The following CDS1 variants were observed in gnomAD, a reference collection of about 807,000 sequenced individuals.
CDS1 encodes CDP-diacylglycerol synthase 1.
A neutral mutation model predicts 62.1 loss-of-function variants in CDS1; 41 were observed. That is an observed-to-expected ratio of 0.66 (90% CI 0.51 to 0.86). The LOEUF is 0.86. Among genes scored for constraint, CDS1 ranks in the 40% least tolerant of loss-of-function variants. The pLI, the probability that CDS1 is intolerant of heterozygous loss-of-function variation, is 0.00. For missense variants in CDS1, 470 were observed against 550.1 expected, an observed-to-expected ratio of 0.85 and a Z score of 1.46; for synonymous variants, 185 against 192.6, an observed-to-expected ratio of 0.96 and a Z score of 0.32.
chr4:84,612,137 A>T (rs1470499040), intron 3 of CDS1, among the ~76,000 whole-genome samples: 1 of 151,366 alleles, frequency 6.6e-6, no homozygotes, highest in East Asian at 2.0e-4. Context: ...ACCTTTGCTC[A>T]CGGTGCTTCC....
chr4:84,635,992 A>G (rs887355641), intron 8 of CDS1, among the ~76,000 whole-genome samples: 1 of 151,882 alleles, frequency 6.6e-6, no homozygotes, highest in African/African-American at 2.4e-5. Context: ...CCTAGGCTCA[A>G]GCAGTCTGCC....
At chr4:84,635,669 T>C (rs1408296501) in intron 8 of CDS1, among the ~76,000 whole-genome samples, 16 of 127,516 alleles carry the variant, frequency 1.3e-4, no homozygotes, top group African/African-American at 5.0e-4. Flanking sequence ...CTTCCTTCCT[T>C]CCTTCCTTCC....
chr4:84,602,158 G>C (rs1031025577), intron 1 of CDS1, among the ~76,000 whole-genome samples: 1 of 152,146 alleles, frequency 6.6e-6, no homozygotes, highest in African/African-American at 2.4e-5. Flanking sequence ...TCTCATAGTT[G>C]AGTAACGTTG....
At position 84,583,440 on chromosome 4, in the gene CDS1, C is replaced by T. The variant is rs1182459732; in HGVS notation, c.39C>T (p.Pro13=). 1.2e-5 allele frequency: 19 copies of T among 1,594,052 alleles called. No individual in the cohort carries two copies. The highest frequency in any genetic ancestry group is 1.7e-5 in the Admixed American group (1 of 58,358). Residue 13 remains proline (P), a synonymous_variant, in exon 1 of 13, where the codon CCC becomes CCT. Coordinates refer to ENST00000295887, the MANE Select transcript of CDS1 (RefSeq NM_001263.4). ...GGCACCGGGGAAGCTGCCCCGGCCC[C>T]AGGGAAGCGGTGTCGCCGCCACACC... ...ELRHRGSCPG[P]REAVSPPHRE... is the part of the protein sequence containing the mutation.
chr4:84,603,976 A>G (rs1723015293), intron 1 of CDS1, among the ~76,000 whole-genome samples: 1 of 152,198 alleles, frequency 6.6e-6, no homozygotes, highest in Non-Finnish European at 1.5e-5. Context: ...TTAGGGGTAT[A>G]TTTCTGATTT....
At chr4:84,645,109 A>G (rs940495445) in intron 11 of CDS1, 113 bp from the exon 12 acceptor site, 3 of 690,086 alleles carry the variant, frequency 4.3e-6, no homozygotes, top group Admixed American at 5.4e-5. Context: ...AAAAAAATCC[A>G]ATAGTAATGT....
At chr4:84,610,590 G>GCCCT (rs1723287735) in intron 3 of CDS1, among the ~76,000 whole-genome samples, 1 of 152,120 alleles carries the variant, frequency 6.6e-6, no homozygotes, top group Non-Finnish European at 1.5e-5. Context: ...ACCTGTCTCT[G>GCCCT]CCCTCATGGA....
chr4:84,604,044 G>T (rs554277821), intron 1 of CDS1, among the ~76,000 whole-genome samples, 199 bp from the exon 2 acceptor site: 7 of 152,150 alleles, frequency 4.6e-5, no homozygotes, highest in Non-Finnish European at 8.8e-5. Context: ...TGTATTATTA[G>T]TAGTAGATTT....
At position 84,631,861 on chromosome 4, in the gene CDS1, G is replaced by C. The variant is rs771001468; in HGVS notation, c.623G>C (p.Arg208Pro). ...FVLSLVKKHY[R>P]LQFYMFAWTH... ...CTGAGTTTGGTGAAGAAACATTATC[G>C]TCTGCAGTTTTATATGGTGTGTATT... Residue 208 changes from arginine to proline, a missense_variant, in exon 6 of 13, where the codon CGT becomes CCT. Transcript: ENST00000295887. The C allele has an allele frequency of 6.2e-7, 1 of 1,610,288 alleles. No individual in the cohort carries two copies. Among genetic ancestry groups the C allele is most frequent in the South Asian group, 1.1e-5 (1 of 90,964 alleles).
chr4:84,640,624 AAAAC>A (rs1169479523), intron 9 of CDS1, among the ~76,000 whole-genome samples: 7 of 152,310 alleles, frequency 4.6e-5, no homozygotes, highest in South Asian at 2.1e-4. Flanking sequence ...TGATTTCAAA[AAAAC>A]TTTTTTTTTC....
At chr4:84,611,376 C>T (rs1723318036) in intron 3 of CDS1, among the ~76,000 whole-genome samples, 1 of 152,042 alleles carries the variant, frequency 6.6e-6, no homozygotes, top group Non-Finnish European at 1.5e-5. Context: ...CTTATGTACT[C>T]ATCTCCTTCA....
intron 11 of CDS1, 70 bp downstream of exon 11, chr4:84,643,213 G>C (rs1022651074): frequency 4.7e-6 from 7 of 1,504,818 alleles, no homozygotes; most frequent in Admixed American, 1.7e-5. Context: ...TTGGAATTTG[G>C]TCCGCTCATG....
At position 84,609,429 on chromosome 4, in the gene CDS1, G is replaced by T. The variant is rs1723245113; in HGVS notation, c.246G>T (p.Arg82Ser). The change falls in exon 3 of 13, where the codon AGG becomes AGT. Residue 82 changes from arginine to serine, a missense_variant and splice_region_variant. Coordinates refer to ENST00000295887, the MANE Select transcript of CDS1 (RefSeq NM_001263.4). ...LKKALSGLSS[R>S]WKNWWIRGIL... ...TACTAACTTTACATTTTCTTTGTAG[G>T]TGGAAAAACTGGTGGATACGTGGAA... The T allele has an allele frequency of 6.3e-7, 1 of 1,591,640 alleles. No homozygotes were observed. Among genetic ancestry groups the T allele is most frequent in the Admixed American group, 1.7e-5 (1 of 59,768 alleles).
intron 1 of CDS1, among the ~76,000 whole-genome samples, chr4:84,596,706 T>G (rs764112044): frequency 6.6e-6 from 1 of 152,200 alleles, no homozygotes; most frequent in Non-Finnish European, 1.5e-5. Context: ...CGTGAATATC[T>G]TGGTGGGGGG....
chr4:84,593,960 T>G (rs954058769), intron 1 of CDS1, among the ~76,000 whole-genome samples: 19 of 152,112 alleles, frequency 1.2e-4, no homozygotes, highest in African/African-American at 4.6e-4. Flanking sequence ...CAAAATGCCT[T>G]TAAGTAATTG....
intron 1 of CDS1, 81 bp downstream of exon 1, chr4:84,583,599 G>T (rs1722323098): frequency 3.9e-6 from 3 of 776,182 alleles, no homozygotes; most frequent in Non-Finnish European, 6.0e-6. Context: ...CAAGGGTGGG[G>T]CCCGTCCAGC....
intron 1 of CDS1, among the ~76,000 whole-genome samples, chr4:84,595,055 T>TG (rs1426476567): frequency 6.6e-6 from 1 of 152,130 alleles, no homozygotes; most frequent in African/African-American, 2.4e-5. Flanking sequence ...AAAATCAGTC[T>TG]GGTGATGGTC....
rs1722309000 is a variant in CDS1, at chr4:84,583,354, G to A, written c.-48G>A. ...CCTGCAGAACCCTGCTTGCAGCTCA[G>A]GTTTCGGGGTGCTTGAGGAGGCCGC... is the stretch of plus-strand genomic sequence containing the variant. On this transcript the variant is annotated 5_prime_UTR_variant, in exon 1 of 13. Transcript: ENST00000295887. The A allele has an allele frequency of 7.2e-7, 1 of 1,390,064 alleles. No homozygotes were observed. The highest frequency in any genetic ancestry group is 1.0e-6 in the Non-Finnish European group (1 of 985,622). The allele number at this position is 1,390,064 out of a possible 1,614,324, so 86.1% of individuals were successfully genotyped here. A position where few individuals can be genotyped will look rare whatever the true frequency, so the allele number is the denominator to read the frequency against.
intron 1 of CDS1, among the ~76,000 whole-genome samples, chr4:84,592,604 C>G (rs955057134): frequency 7.9e-5 from 12 of 152,148 alleles, no homozygotes; most frequent in Admixed American, 3.9e-4. Flanking sequence ...TTGCTTAAGA[C>G]TTTCTCAGAA....
Sources: gnomAD v4.1 joint callset for allele counts (sites outside exome capture counted in the v4.1 genomes callset) on GRCh38, gnomAD v4.1.1 for gene constraint, MANE v1.5 for transcripts, NCBI Gene and HGNC (gene_info 2026-07-23, HGNC 2026-07-21) for gene names.